Variants in RYR2 observed in about 807,000 individuals in gnomAD.
The protein encoded by RYR2 is ryanodine receptor 2.
A neutral mutation model predicts 601.1 loss-of-function variants in RYR2; 227 were observed. That is an observed-to-expected ratio of 0.38 (90% confidence interval 0.34 to 0.42). RYR2 has a LOEUF of 0.42. RYR2 is among the 10% of genes least tolerant of loss of function. The pLI is 1.00. For synonymous variants in RYR2, 2,223 were observed against 2,175.1 expected, an observed-to-expected ratio of 1.02 and a Z score of -0.61; for missense variants, 4,646 against 6,156.5, an observed-to-expected ratio of 0.75 and a Z score of 8.21.
intron 24 of RYR2, among the ~76,000 whole-genome samples, chr1:237,530,070 G>C (rs1169731913): frequency 6.6e-6 from 1 of 152,102 alleles, no homozygotes; most frequent in Non-Finnish European, 1.5e-5. Context: ...CCAGCACTTT[G>C]GGAGGCCGAG....
At chr1:237,235,076 T>C (rs920202520) in intron 1 of RYR2, among the ~76,000 whole-genome samples, 3 of 152,212 alleles carry the variant, frequency 2.0e-5, no homozygotes, top group Non-Finnish European at 4.4e-5. Context: ...TTCTCCACAC[T>C]TCTGACTGAT....
intron 25 of RYR2, among the ~76,000 whole-genome samples, chr1:237,531,243 G>A (rs912300669): frequency 2.0e-5 from 3 of 152,162 alleles, no homozygotes; most frequent in Non-Finnish European, 4.4e-5. Context: ...AGAAAATTGA[G>A]GTAGATAGAT....
chr1:237,501,907 G>A (rs532994322), intron 21 of RYR2, among the ~76,000 whole-genome samples: 1 of 152,324 alleles, frequency 6.6e-6, no homozygotes, highest in South Asian at 2.1e-4. Flanking sequence ...TTGGGAGGCC[G>A]AGGTGGAAGG....
intron 2 of RYR2, among the ~76,000 whole-genome samples, chr1:237,328,159 T>C (rs1696340990): frequency 6.6e-6 from 1 of 152,214 alleles, no homozygotes; most frequent in African/African-American, 2.4e-5. Context: ...GCATTTTTTT[T>C]CAAGTCAGTT....
intron 1 of RYR2, among the ~76,000 whole-genome samples, chr1:237,201,638 A>G (rs1387685932): frequency 6.6e-6 from 1 of 151,990 alleles, no homozygotes; most frequent in Non-Finnish European, 1.5e-5. Context: ...ACCTCCTTTT[A>G]TCATCGTCAT....
chr1:237,235,591 G>C (rs572474364), intron 1 of RYR2, among the ~76,000 whole-genome samples: 6 of 152,204 alleles, frequency 3.9e-5, no homozygotes, highest in African/African-American at 1.4e-4. Flanking sequence ...TTTTTGTCTG[G>C]TTTTCCAAAC....
At chr1:237,428,919 A>G (rs953118321) in intron 12 of RYR2, among the ~76,000 whole-genome samples, 1 of 152,128 alleles carries the variant, frequency 6.6e-6, no homozygotes, top group African/African-American at 2.4e-5. Flanking sequence ...ACCTTTTCTC[A>G]GTTCATGATA....
intron 89 of RYR2, among the ~76,000 whole-genome samples, chr1:237,781,989 T>C (rs1695153775): frequency 6.6e-6 from 1 of 152,126 alleles, no homozygotes; most frequent in African/African-American, 2.4e-5. Context: ...GACATTTGGG[T>C]AACAGTCAGC....
At chr1:237,743,851 C>T (rs1302225850) in intron 80 of RYR2, among the ~76,000 whole-genome samples, 1 of 152,144 alleles carries the variant, frequency 6.6e-6, no homozygotes, top group Non-Finnish European at 1.5e-5. Context: ...TTTTATCCTC[C>T]AGCTAACTTT....
intron 14 of RYR2, 35 bp downstream of exon 14, chr1:237,445,557 C>T (rs2150167004): frequency 6.2e-7 from 1 of 1,609,622 alleles, no homozygotes; most frequent in East Asian, 2.2e-5. Context: ...TTGTTTGATA[C>T]TTCATTTTCA....
Position 237,341,418 on chromosome 1 carries a change from C to CA in RYR2, c.273+10442dup, listed in dbSNP as rs144523050. Among the ~76,000 whole-genome samples the CA allele has an allele frequency of 9.3e-3, 1,422 of 152,092 alleles. 28 individuals are homozygous for CA. The highest frequency in any genetic ancestry group is 0.033 in the African/African-American group (1,358 of 41,514). On this transcript the variant is annotated intron_variant, in intron 3 of 104. Coordinates refer to ENST00000366574, the MANE Select transcript of RYR2 (RefSeq NM_001035.3). Reference sequence around the variant, plus strand: ...GAGTGCAATGGTGCAATATCCTCCCCAAAAAACAAACACAAAAGCAAAAAC... The same window carrying CA: ...GAGTGCAATGGTGCAATATCCTCCCCAAAAAAACAAACACAAAAGCAAAAAC...
At chr1:237,345,877 A>G (rs1417672417) in intron 3 of RYR2, among the ~76,000 whole-genome samples, 5 of 152,020 alleles carry the variant, frequency 3.3e-5, no homozygotes, top group Admixed American at 6.6e-5. Context: ...TTGACTATTT[A>G]TCTCCCAAAT....
intron 80 of RYR2, among the ~76,000 whole-genome samples, chr1:237,754,454 G>A (rs1344579130): frequency 1.3e-5 from 2 of 152,146 alleles, no homozygotes; most frequent in African/African-American, 4.8e-5. Context: ...TCTCAAGAGT[G>A]TGTGGCATGT....
chr1:237,630,245 G>A lies in RYR2; in HGVS notation c.6441-1182G>A, dbSNP rs140914701. On this transcript the variant is annotated intron_variant, in intron 41 of 104. Transcript: ENST00000366574. ...ATTCTTAGTAAATGACAGCCTGACT[G>A]CTATTTAATTTACCTAAAACTAAAA... is the stretch of plus-strand genomic sequence containing the variant. Among the ~76,000 whole-genome samples the A allele has an allele frequency of 3.1e-4, 47 of 152,188 alleles. No homozygotes were observed. The East Asian group carries it at 8.7e-3, about 28-fold the overall frequency.
intron 1 of RYR2, among the ~76,000 whole-genome samples, chr1:237,255,184 GAGAA>G (rs1687834293): frequency 6.6e-6 from 1 of 152,190 alleles, no homozygotes. Flanking sequence ...AAGTGGAAAA[GAGAA>G]ACAGGTGCAT....
At chr1:237,082,472 G>C (rs1277777919) in intron 1 of RYR2, among the ~76,000 whole-genome samples, 1 of 142,572 alleles carries the variant, frequency 7.0e-6, no homozygotes, top group Non-Finnish European at 1.5e-5. Context: ...ATAACTGCCT[G>C]TTATCTTGAT....
intron 8 of RYR2, among the ~76,000 whole-genome samples, chr1:237,379,023 G>T (rs552438136): frequency 7.4e-4 from 113 of 152,262 alleles, no homozygotes; most frequent in East Asian, 5.8e-4. Flanking sequence ...TGTGCAGATT[G>T]TAAAATAAGC....
At chr1:237,461,016 A>G (rs1207454554) in intron 16 of RYR2, among the ~76,000 whole-genome samples, 2 of 152,176 alleles carry the variant, frequency 1.3e-5, no homozygotes, top group Admixed American at 6.5e-5. Context: ...GATGTCCTAG[A>G]AAAGAAACTT....
chr1:237,576,450 A>G (rs973498042), intron 29 of RYR2, among the ~76,000 whole-genome samples: 2 of 152,154 alleles, frequency 1.3e-5, no homozygotes, highest in African/African-American at 4.8e-5. Context: ...CATAGAACTG[A>G]TATAGAAACA....
Sources: allele counts gnomAD v4.1 joint callset (sites outside exome capture counted in the v4.1 genomes callset), GRCh38; gene constraint gnomAD v4.1.1; transcripts MANE v1.5; gene names NCBI Gene and HGNC (gene_info 2026-07-23, HGNC 2026-07-21).